ASTN2: variants seen among roughly 807,000 people sequenced by gnomAD.
ASTN2 encodes astrotactin 2, also known as astrotactin-2.
ASTN2 carries 54 observed loss-of-function variants against 139.8 expected under a neutral mutation model. The ratio of observed to expected loss-of-function variants is 0.39; its 90% CI spans 0.31 to 0.48. The LOEUF is 0.48. Among genes scored for constraint, ASTN2 ranks in the 20% least tolerant of loss-of-function variants. ASTN2 has a pLI of 0.95. For missense variants in ASTN2, 1,565 were observed against 1,725.1 expected (o/e 0.91, Z 1.64); for synonymous variants, 756 against 719.5 (o/e 1.05, Z -0.81).
rs527952746 is a variant in ASTN2, at chr9:116,555,265, G to A, written c.3355+63059C>T. Among the ~76,000 whole-genome samples the A allele has an allele frequency of 2.0e-5, 3 of 152,236 alleles. No homozygotes were observed. The East Asian group carries it at 5.8e-4, about 29-fold the overall frequency. On this transcript the variant is annotated intron_variant, in intron 19 of 22. Transcript: ENST00000313400. ...GGCTGAGGGCCTATGTGTTCTTCGA[G>A]CTCCCCCAGTCTGCGCCTCTCTGCT...
At chr9:117,014,814 C>T (rs1837630375) in intron 6 of ASTN2, among the ~76,000 whole-genome samples, 1 of 152,066 alleles carries the variant, frequency 6.6e-6, no homozygotes, top group Non-Finnish European at 1.5e-5. Context: ...CATCTGAGGA[C>T]ACAGGGAGAG....
intron 2 of ASTN2, among the ~76,000 whole-genome samples, chr9:117,232,094 G>T (rs1306252516): frequency 1.3e-5 from 2 of 152,044 alleles, no homozygotes; most frequent in Non-Finnish European, 2.9e-5. Context: ...GCCACCCAGG[G>T]TAAGTGCTGC....
chr9:116,982,911 GGCATAA>G (rs1836552502), intron 7 of ASTN2, among the ~76,000 whole-genome samples: 1 of 152,148 alleles, frequency 6.6e-6, no homozygotes, highest in Non-Finnish European at 1.5e-5. Flanking sequence ...GCACGGACAA[GGCATAA>G]GCCAGAGGCC....
chr9:116,994,513 TC>T, intron 7 of ASTN2, among the ~76,000 whole-genome samples: 1 of 152,196 alleles, frequency 6.6e-6, no homozygotes, highest in South Asian at 2.1e-4. Context: ...CACAGCACTG[TC>T]TAATTGAGCT....
chr9:117,003,510 T>C (rs1588472485), intron 7 of ASTN2, among the ~76,000 whole-genome samples: 1 of 132,692 alleles, frequency 7.5e-6, no homozygotes, highest in South Asian at 2.3e-4. Context: ...ATTCCAGTGA[T>C]ATTTCCAGCT....
At chr9:116,915,782 G>T (rs991402005) in intron 10 of ASTN2, among the ~76,000 whole-genome samples, 1 of 152,172 alleles carries the variant, frequency 6.6e-6, no homozygotes, top group East Asian at 1.9e-4. Context: ...TCATCTGTCT[G>T]TTCATCTGCA....
chr9:117,006,249 C>T (rs531307895), intron 7 of ASTN2, among the ~76,000 whole-genome samples: 1 of 152,108 alleles, frequency 6.6e-6, no homozygotes, highest in East Asian at 1.9e-4. Context: ...ACCCAAATGC[C>T]CATTCTCCAT....
intron 13 of ASTN2, among the ~76,000 whole-genome samples, chr9:116,768,323 C>T (rs868692843): frequency 6.6e-5 from 10 of 152,012 alleles, no homozygotes; most frequent in Non-Finnish European, 1.2e-4. Flanking sequence ...CTCCATCTTT[C>T]TCTTACTCTT....
intron 6 of ASTN2, among the ~76,000 whole-genome samples, chr9:117,022,894 G>A (rs1345877848): frequency 6.6e-6 from 1 of 152,098 alleles, no homozygotes; most frequent in East Asian, 1.9e-4. Context: ...AAGACCACCT[G>A]TCCCGGGTTC....
At chr9:116,537,882 T>C (rs1851712494) in intron 19 of ASTN2, among the ~76,000 whole-genome samples, 1 of 152,176 alleles carries the variant, frequency 6.6e-6, no homozygotes, top group Admixed American at 6.5e-5. Flanking sequence ...CATTTGTAAA[T>C]ACAAGGCACT....
At chr9:116,530,399 A>C (rs1256076483) in intron 19 of ASTN2, among the ~76,000 whole-genome samples, 1 of 151,582 alleles carries the variant, frequency 6.6e-6, no homozygotes, top group African/African-American at 2.4e-5. Flanking sequence ...AGGAAGAATA[A>C]ATTTAAGAGA....
At chr9:117,164,828 G>T (rs1052404631) in intron 3 of ASTN2, among the ~76,000 whole-genome samples, 3 of 152,066 alleles carry the variant, frequency 2.0e-5, no homozygotes, top group African/African-American at 4.8e-5. Context: ...TGTTCAGGAG[G>T]ACAAATGGTG....
chr9:116,432,089 G>T (rs939212599), intron 22 of ASTN2, among the ~76,000 whole-genome samples: 1 of 152,136 alleles, frequency 6.6e-6, no homozygotes, highest in Admixed American at 6.6e-5. Flanking sequence ...AAAGGCATGA[G>T]AGCCTTGATT....
At position 117,414,166 on chromosome 9, in the gene ASTN2, G is replaced by A. The variant is rs1227537472; in HGVS notation, c.442+331C>T. On this transcript the variant is annotated intron_variant, in intron 1 of 22. Coordinates refer to ENST00000313400, the MANE Select transcript of ASTN2 (RefSeq NM_001365068.1). The surrounding 1 kb of genome is among the most constrained non-coding windows in gnomAD (Gnocchi z 4.2). The stretch of plus-strand genomic sequence containing the variant: ...ACTGGCTTAGGATCTGGGATGCTCC[G>A]GCCCCTAGCCAGAGCACCTTCAGTG... Among the ~76,000 whole-genome samples the A allele has an allele frequency of 6.6e-6, 1 of 152,088 alleles. No homozygotes were observed. Among genetic ancestry groups the A allele is most frequent in the Non-Finnish European group, 1.5e-5 (1 of 68,014 alleles).
chr9:116,499,606 C>T (rs1448720279), intron 19 of ASTN2, among the ~76,000 whole-genome samples: 1 of 152,074 alleles, frequency 6.6e-6, no homozygotes, highest in African/African-American at 2.4e-5. Flanking sequence ...GGTAAGGTAC[C>T]TGGCCTGTCT....
intron 5 of ASTN2, among the ~76,000 whole-genome samples, chr9:117,086,304 G>A (rs902747018): frequency 6.6e-6 from 1 of 152,192 alleles, no homozygotes; most frequent in Admixed American, 6.5e-5. Flanking sequence ...GCCGGGTGCG[G>A]TGGCTCACGC....
At chr9:117,134,287 TATATATATACAC>T (rs1158546050) in intron 4 of ASTN2, among the ~76,000 whole-genome samples, 2,680 of 81,684 alleles carry the variant, frequency 0.033, 37 homozygotes, top group Non-Finnish European at 0.041. Context: ...TATATATATA[TATATATATACAC>T]ACACACACAC....
intron 5 of ASTN2, among the ~76,000 whole-genome samples, chr9:117,074,194 G>A (rs1489724103): frequency 6.6e-6 from 1 of 152,064 alleles, no homozygotes; most frequent in Admixed American, 6.5e-5. Context: ...ACATGATTCC[G>A]AGCACTAGCA....
intron 1 of ASTN2, among the ~76,000 whole-genome samples, chr9:117,401,804 C>T (rs570928676): frequency 6.6e-6 from 1 of 152,296 alleles, no homozygotes; most frequent in Non-Finnish European, 1.5e-5. Flanking sequence ...ATGATTGTCA[C>T]ATGTCAACAA....
Sources: allele counts gnomAD v4.1 joint callset (sites outside exome capture counted in the v4.1 genomes callset), GRCh38; gene constraint gnomAD v4.1.1; non-coding constraint Gnocchi (gnomAD v3.1); transcripts MANE v1.5; gene names NCBI Gene and HGNC (gene_info 2026-07-23, HGNC 2026-07-21).